The following SMAD1 variants were observed in gnomAD, a reference collection of about 807,000 sequenced individuals.
SMAD1 encodes the protein SMAD family member 1, also known as MAD, mothers against decapentaplegic homolog 1.
In SMAD1, 6 loss-of-function variants were observed where a neutral mutation model predicts 41.6. That is an observed-to-expected ratio of 0.14 (90% CI 0.08 to 0.28). SMAD1 has a LOEUF of 0.28. Among genes scored for constraint, SMAD1 ranks in the 10% least tolerant of loss-of-function variants. The pLI, the probability that SMAD1 is intolerant of heterozygous loss-of-function variation, is 1.00. For synonymous variants in SMAD1, 206 were observed against 203.2 expected, an observed-to-expected ratio of 1.01 and a Z score of -0.12; for missense variants, 379 against 582.6, an observed-to-expected ratio of 0.65 and a Z score of 3.60.
intron 1 of SMAD1, among the ~76,000 whole-genome samples, chr4:145,492,740 G>A (rs968187918): frequency 6.6e-6 from 1 of 152,192 alleles, no homozygotes; most frequent in Non-Finnish European, 1.5e-5. Context: ...CTAGTTAGGG[G>A]CTGCCAGCCA....
At chr4:145,516,664 G>A (rs115158815) in intron 2 of SMAD1, among the ~76,000 whole-genome samples, 1,532 of 152,252 alleles carry the variant, frequency 0.01, 33 homozygotes, top group African/African-American at 0.035. Context: ...CTGTGATGCA[G>A]TGTTCTTTTT....
chr4:145,521,893 T>C (rs1730757477), intron 2 of SMAD1, among the ~76,000 whole-genome samples: 1 of 145,024 alleles, frequency 6.9e-6, no homozygotes, highest in Non-Finnish European at 1.5e-5. Context: ...TAACAAATGG[T>C]TTTCTGTAAA....
At chr4:145,490,505 A>G (rs954664545) in intron 1 of SMAD1, among the ~76,000 whole-genome samples, 1 of 152,172 alleles carries the variant, frequency 6.6e-6, no homozygotes, top group Non-Finnish European at 1.5e-5. Context: ...AGGCTGCTGT[A>G]TAGGAGACTA....
chr4:145,538,564 C>A (rs923262691), intron 2 of SMAD1, among the ~76,000 whole-genome samples: 19 of 152,056 alleles, frequency 1.2e-4, no homozygotes, highest in African/African-American at 4.6e-4. Flanking sequence ...GTTAAGAGCA[C>A]TTTTTACTGT....
At chr4:145,556,658 C>T (rs1732852948) in intron 6 of SMAD1, among the ~76,000 whole-genome samples, 1 of 151,926 alleles carries the variant, frequency 6.6e-6, no homozygotes, top group Admixed American at 6.6e-5. Context: ...AGAGTTTTGC[C>T]ATGTTGTCCA....
intron 2 of SMAD1, among the ~76,000 whole-genome samples, chr4:145,530,789 A>C (rs1056399970): frequency 6.6e-6 from 1 of 152,216 alleles, no homozygotes; most frequent in Non-Finnish European, 1.5e-5. Context: ...CAACTTCCAC[A>C]GTCTCTTTCC....
At chr4:145,511,460 T>C (rs1454735106) in intron 1 of SMAD1, among the ~76,000 whole-genome samples, 1 of 152,152 alleles carries the variant, frequency 6.6e-6, no homozygotes, top group African/African-American at 2.4e-5. Context: ...TTTGTAGAGA[T>C]AGGGTCTTCC....
intron 2 of SMAD1, among the ~76,000 whole-genome samples, chr4:145,527,309 C>T (rs1419165234): frequency 2.0e-5 from 3 of 151,406 alleles, no homozygotes; most frequent in Admixed American, 6.6e-5. Flanking sequence ...CTGCGAGCTC[C>T]GCCTCCCGGG....
chr4:145,509,862 C>A (rs1310686509), intron 1 of SMAD1, among the ~76,000 whole-genome samples: 1 of 152,060 alleles, frequency 6.6e-6, no homozygotes, highest in Non-Finnish European at 1.5e-5. Flanking sequence ...CAGCGGACAC[C>A]CTGTGGCCTC....
At chr4:145,488,531 G>C (rs926264251) in intron 1 of SMAD1, among the ~76,000 whole-genome samples, 1 of 151,156 alleles carries the variant, frequency 6.6e-6, no homozygotes, top group Non-Finnish European at 1.5e-5. Flanking sequence ...CTTATGCAAA[G>C]TAGAAGTATT....
At chr4:145,494,099 T>C (rs1236917522) in intron 1 of SMAD1, among the ~76,000 whole-genome samples, 1 of 152,106 alleles carries the variant, frequency 6.6e-6, no homozygotes, top group Non-Finnish European at 1.5e-5. Context: ...GTAGCTGGGA[T>C]TGCAGGTGCC....
Position 145,515,342 on chromosome 4 carries a change from T to C in SMAD1, c.400+329T>C, listed in dbSNP as rs547979751. On this transcript the variant is annotated intron_variant, in intron 2 of 6. Coordinates refer to ENST00000302085, the MANE Select transcript of SMAD1 (RefSeq NM_005900.3). Reference sequence around the variant, plus strand: ...GTTTTCTTTCTAAATTTATTTTTTATGTCTCACATGGTTCTCTGCATTTCT... The same window carrying C: ...GTTTTCTTTCTAAATTTATTTTTTACGTCTCACATGGTTCTCTGCATTTCT... 2.2e-3 allele frequency among the ~76,000 whole-genome samples: 340 copies of C among 152,350 alleles called. 1 individual carries two copies. Among genetic ancestry groups the C allele is most frequent in the African/African-American group, 7.8e-3 (326 of 41,586 alleles).
chr4:145,543,015 C>G (rs1440689286), intron 4 of SMAD1, among the ~76,000 whole-genome samples: 1 of 151,596 alleles, frequency 6.6e-6, no homozygotes, highest in African/African-American at 2.4e-5. Context: ...GCTCTGGTCA[C>G]CCAGGCTGGA....
chr4:145,542,521 C>A, intron 3 of SMAD1, 61 bp from the exon 4 acceptor site: 2 of 939,602 alleles, frequency 2.1e-6, no homozygotes, highest in African/African-American at 1.7e-5. Flanking sequence ...GAAGAGGATA[C>A]GTGTTTTGAG....
intron 2 of SMAD1, among the ~76,000 whole-genome samples, chr4:145,529,646 T>C (rs1367728799): frequency 6.6e-6 from 1 of 152,228 alleles, no homozygotes; most frequent in Non-Finnish European, 1.5e-5. Flanking sequence ...TTCCATGTCA[T>C]TTGGATTTAT....
At chr4:145,500,846 T>C (rs72946718) in intron 1 of SMAD1, among the ~76,000 whole-genome samples, 2 of 152,360 alleles carry the variant, frequency 1.3e-5, no homozygotes, top group African/African-American at 4.8e-5. Flanking sequence ...TTAATCACTT[T>C]GTTTTTCAGC....
chr4:145,512,272 A>G (rs1461212421), intron 1 of SMAD1, among the ~76,000 whole-genome samples: 1 of 152,108 alleles, frequency 6.6e-6, no homozygotes, highest in Non-Finnish European at 1.5e-5. Flanking sequence ...TCGTGAATGT[A>G]TGGTTAGATG....
chr4:145,498,183 TAATA>T (rs1034738287), intron 1 of SMAD1: 1 of 152,194 alleles, frequency 6.6e-6, no homozygotes, highest in African/African-American at 2.4e-5. Context: ...TTTGAACAGT[TAATA>T]AAAAGGGGAG....
At chr4:145,554,146 A>G in intron 6 of SMAD1, 106 bp downstream of exon 6, 2 of 1,020,494 alleles carry the variant, frequency 2.0e-6, no homozygotes, top group African/African-American at 1.8e-5. Context: ...ATAACATATT[A>G]TCATATTAGC....
Sources: allele counts gnomAD v4.1 joint callset (sites outside exome capture counted in the v4.1 genomes callset), GRCh38; gene constraint gnomAD v4.1.1; transcripts MANE v1.5; gene names NCBI Gene and HGNC (gene_info 2026-07-23, HGNC 2026-07-21).